ZNF420: variants seen among roughly 807,000 people sequenced by gnomAD.
The protein encoded by ZNF420 is ATM and p53-associated KZNF protein.
In ZNF420, 31 loss-of-function variants were observed where a neutral mutation model predicts 44.7. The observed-to-expected ratio is 0.69, with a 90% CI of 0.52 to 0.94. ZNF420 has a LOEUF of 0.94. ZNF420 is among the 40% of genes least tolerant of loss of function. ZNF420 has a pLI of 0.00. For missense variants in ZNF420, 681 were observed against 827.9 expected (o/e 0.82, Z 2.18); for synonymous variants, 245 against 267.4 (o/e 0.92, Z 0.82).
chr19:37,045,837 C>T (rs1459363053), intron 1 of ZNF420, among the ~76,000 whole-genome samples: 1 of 152,166 alleles, frequency 6.6e-6, no homozygotes, highest in Non-Finnish European at 1.5e-5. Flanking sequence ...TGTTTGCTGA[C>T]TAATATGTAG....
At chr19:37,068,415 G>A (rs1446999690) in intron 1 of ZNF420, among the ~76,000 whole-genome samples, 9 of 152,200 alleles carry the variant, frequency 5.9e-5, no homozygotes, top group East Asian at 1.9e-4. Context: ...TGAGGCGGGC[G>A]GATCACCTGA....
chr19:37,117,018 C>T (rs1970730627), intron 4 of ZNF420, among the ~76,000 whole-genome samples: 1 of 152,208 alleles, frequency 6.6e-6, no homozygotes, highest in Non-Finnish European at 1.5e-5. Flanking sequence ...ATAGGCTCCA[C>T]CTCTGGGGGC....
chr19:37,066,299 TG>T (rs1050270958), intron 1 of ZNF420, among the ~76,000 whole-genome samples: 6 of 152,110 alleles, frequency 3.9e-5, no homozygotes, highest in Admixed American at 3.9e-4. Flanking sequence ...AAAAATTAGC[TG>T]GGCATAGTGG....
intron 4 of ZNF420, among the ~76,000 whole-genome samples, chr19:37,114,179 G>A (rs531945323): frequency 6.6e-6 from 1 of 151,974 alleles, no homozygotes; most frequent in Admixed American, 6.5e-5. Flanking sequence ...ATAATTTTAT[G>A]TAATGCACTA....
At chr19:37,090,919 C>CA (rs879728879) in intron 3 of ZNF420, 76 bp from the exon 4 acceptor site, 106,747 of 1,040,994 alleles carry the variant, frequency 0.1, no homozygotes, top group South Asian at 0.11. Context: ...GACTCCATCT[C>CA]AAAAAAAAAA....
At chr19:37,021,308 C>A (rs1259494711) in intron 1 of ZNF420, among the ~76,000 whole-genome samples, 1 of 152,038 alleles carries the variant, frequency 6.6e-6, no homozygotes, top group East Asian at 1.9e-4. Flanking sequence ...ACTCTTGTTG[C>A]CCAGGCTGGA....
chr19:37,130,090 A>G lies in ZNF420; in HGVS notation c.*1032A>G. On this transcript the variant is annotated 3_prime_UTR_variant, in exon 5 of 5. Transcript: ENST00000337995. The stretch of plus-strand genomic sequence containing the variant: ...TGATATTTATATGAGTAGGAGATTT[A>G]CGAAATCCATTTTTCCTGTCTTTTT... 4 of 1,550,438 alleles carry G rather than the reference A, an allele frequency of 2.6e-6. No homozygotes were observed. The highest frequency in any genetic ancestry group is 2.6e-6 in the Non-Finnish European group (3 of 1,146,920).
intron 1 of ZNF420, chr19:37,008,218 C>A: frequency 3.4e-6 from 1 of 295,608 alleles, no homozygotes; most frequent in Non-Finnish European, 6.4e-6. Context: ...CTGGGGCGGG[C>A]GGGGGGGGAT....
upstream of ZNF420, chr19:37,078,323 G>C (rs900949084): frequency 6.6e-6 from 1 of 152,278 alleles, no homozygotes; most frequent in Non-Finnish European, 1.5e-5. Context: ...CGTTCTGGCC[G>C]GCTAGCCAAG....
intron 2 of ZNF420, among the ~76,000 whole-genome samples, chr19:37,081,340 T>C (rs1489172948): frequency 6.6e-6 from 1 of 152,184 alleles, no homozygotes; most frequent in Non-Finnish European, 1.5e-5. Flanking sequence ...AAATGTTCCA[T>C]GTGCACTTGA....
chr19:37,045,011 A>G (rs1967518884), intron 1 of ZNF420, among the ~76,000 whole-genome samples: 1 of 152,200 alleles, frequency 6.6e-6, no homozygotes, highest in Middle Eastern at 3.2e-3. Context: ...TGCATCAGGT[A>G]AATAGGCATC....
At chr19:37,042,266 G>A (rs530216363) in intron 1 of ZNF420, among the ~76,000 whole-genome samples, 2 of 152,326 alleles carry the variant, frequency 1.3e-5, no homozygotes, top group South Asian at 4.1e-4. Context: ...CAAAGTGCTG[G>A]GATTACAGGC....
chr19:37,025,110 G>A lies in ZNF420; in HGVS notation c.-125+17028G>A, dbSNP rs1967128813. The A allele has an allele frequency of 9.8e-6, 3 of 304,596 alleles. No homozygotes were observed. In the South Asian group the frequency reaches 2.2e-4, roughly 22 times the overall value. 18.9% of individuals were successfully genotyped at this position (304,596 alleles called of 1,614,324 possible). On this transcript the variant is annotated intron_variant, in intron 1 of 4. Transcript: ENST00000587029. The stretch of plus-strand genomic sequence containing the variant: ...GACTAAGTCATCCATACACACTAAA[G>A]GCCTTGTCACATTCCAAACATTTAT...
intron 1 of ZNF420, among the ~76,000 whole-genome samples, chr19:37,010,701 AATCGGTTTCGCGGCAGTTCCACTTTGGGT>A (rs1371033161): frequency 2.2e-4 from 33 of 152,060 alleles, no homozygotes; most frequent in African/African-American, 7.7e-4. Context: ...GCCGGTTGTC[AATCGGTTTCGCGGCAGTTCCACTTTGGGT>A]TTCTAAAGGC....
At chr19:37,051,819 C>T (rs2146424910) in intron 1 of ZNF420, among the ~76,000 whole-genome samples, 1 of 152,216 alleles carries the variant, frequency 6.6e-6, no homozygotes, top group African/African-American at 2.4e-5. Context: ...GTTAGGGTGT[C>T]AGTTTTGGAT....
At chr19:37,125,469 C>G (rs1418488207) in intron 4 of ZNF420, among the ~76,000 whole-genome samples, 1 of 152,146 alleles carries the variant, frequency 6.6e-6, no homozygotes, top group Admixed American at 6.6e-5. Context: ...AGGGAAACCA[C>G]AGATCACTGG....
intron 4 of ZNF420, among the ~76,000 whole-genome samples, chr19:37,116,808 C>A (rs947501292): frequency 6.6e-6 from 1 of 152,222 alleles, no homozygotes; most frequent in African/African-American, 2.4e-5. Context: ...GAGATTATAT[C>A]CCACACCTAG....
At chr19:37,055,754 G>A (rs1261387993) in intron 1 of ZNF420, among the ~76,000 whole-genome samples, 2 of 152,196 alleles carry the variant, frequency 1.3e-5, no homozygotes, top group African/African-American at 2.4e-5. Context: ...TCTCCAGAAG[G>A]TCAACAAAAC....
At chr19:37,070,722 G>C (rs1968045133) in intron 1 of ZNF420, among the ~76,000 whole-genome samples, 1 of 152,114 alleles carries the variant, frequency 6.6e-6, no homozygotes, top group African/African-American at 2.4e-5. Context: ...ACATCTACCA[G>C]AATCACCTGA....
Sources: allele counts gnomAD v4.1 joint callset (sites outside exome capture counted in the v4.1 genomes callset), GRCh38; gene constraint gnomAD v4.1.1; transcripts MANE v1.5; gene names NCBI Gene and HGNC (gene_info 2026-07-23, HGNC 2026-07-21).